The following IQCE variants were observed in gnomAD, a reference collection of about 807,000 sequenced individuals.
IQCE encodes IQ domain-containing protein E.
IQCE carries 115 observed loss-of-function variants against 96.0 expected under a neutral mutation model. The observed-to-expected ratio is 1.20, with a 90% confidence interval of 1.03 to 1.40. IQCE has a LOEUF of 1.40. Among genes scored for constraint, IQCE ranks in the 40% most tolerant of loss-of-function variants. IQCE has a pLI of 0.00. For synonymous variants in IQCE, 412 were observed against 371.2 expected (o/e 1.11, Z -1.26); for missense variants, 1,041 against 909.1 (o/e 1.15, Z -1.87).
chr7:2,572,792 C>A (rs765310511), intron 5 of IQCE: 17 of 453,044 alleles, frequency 3.8e-5, no homozygotes, highest in South Asian at 2.7e-4. Flanking sequence ...GATCCTCTCA[C>A]CTTGGCCTCC....
chr7:2,571,777 C>T (rs949159342), intron 4 of IQCE, 123 bp downstream of exon 4: 26 of 1,120,034 alleles, frequency 2.3e-5, no homozygotes, highest in South Asian at 4.5e-5. Flanking sequence ...TTAGTTTTCT[C>T]GAAGACATCA....
chr7:2,606,137 G>A (rs1784807065), intron 20 of IQCE, 140 bp downstream of exon 20: 1 of 1,086,266 alleles, frequency 9.2e-7, no homozygotes, highest in African/African-American at 1.6e-5. Context: ...CCTCGGTTTG[G>A]AGCCAGAGTA....
chr7:2,601,042 G>A (rs1206739221), intron 17 of IQCE, among the ~76,000 whole-genome samples: 1 of 152,126 alleles, frequency 6.6e-6, no homozygotes, highest in Non-Finnish European at 1.5e-5. Context: ...CGAGTTCTGG[G>A]GCTTATCCAG....
Position 2,571,661 on chromosome 7 carries a change from G to C in IQCE, c.259+7G>C, listed in dbSNP as rs948215959. On this transcript the variant is annotated splice_region_variant and intron_variant, in intron 4 of 21. Transcript: ENST00000402050. ...CTGGGAACCGCAAAGCCAGGTATGTGGTTGTCGCACTGGAGACCCTTCCTG... is the reference window on the plus strand; with the variant it reads ...CTGGGAACCGCAAAGCCAGGTATGTCGTTGTCGCACTGGAGACCCTTCCTG... 19 of 1,598,196 alleles carry C rather than the reference G, an allele frequency of 1.2e-5. No homozygotes were observed. In the African/African-American group the frequency reaches 2.3e-4, roughly 19 times the overall value.
At chr7:2,564,053 C>CA (rs958892437) in intron 1 of IQCE, among the ~76,000 whole-genome samples, 6 of 146,210 alleles carry the variant, frequency 4.1e-5, no homozygotes, top group African/African-American at 7.6e-5. Flanking sequence ...ACTAAAAATA[C>CA]AAAAAAAAAT....
chr7:2,581,864 C>T (rs11770735), intron 8 of IQCE, among the ~76,000 whole-genome samples: 86,763 of 151,658 alleles, frequency 0.57, 24,948 homozygotes, highest in South Asian at 0.61. Context: ...CGCCCGCCAC[C>T]GCGCCTGGCT....
intron 18 of IQCE, among the ~76,000 whole-genome samples, chr7:2,604,160 G>T (rs1162042569): frequency 6.6e-6 from 1 of 151,882 alleles, no homozygotes; most frequent in Non-Finnish European, 1.5e-5. Flanking sequence ...GCTAATTTTT[G>T]TATTTTTAGT....
chr7:2,610,331 C>G lies in IQCE; in HGVS notation c.*169C>G. 1 of 587,362 alleles carries G rather than the reference C, an allele frequency of 1.7e-6. No individual in the cohort carries two copies. The highest frequency in any genetic ancestry group is 2.0e-5 in the South Asian group (1 of 50,042). 36.4% of individuals were successfully genotyped at this position (587,362 alleles called of 1,614,324 possible). A position where few individuals can be genotyped will look rare whatever the true frequency, so the allele number is the denominator to read the frequency against. ...TTGTTTGTGGAAGGAGACCCAAATG[C>G]CTTTACTTTATTCTCTGGGGAGGGC... On this transcript the variant is annotated 3_prime_UTR_variant, in exon 22 of 22. Transcript: ENST00000402050.
intron 20 of IQCE, among the ~76,000 whole-genome samples, chr7:2,606,408 G>A (rs1784829683): frequency 6.6e-6 from 1 of 152,090 alleles, no homozygotes; most frequent in Admixed American, 6.6e-5. Context: ...ACGCGTGCAG[G>A]GTCTAGATGG....
rs560559773 is a variant in IQCE, at chr7:2,592,797, C to T, written c.1245-225C>T. On this transcript the variant is annotated intron_variant, in intron 14 of 21. Coordinates refer to ENST00000402050, the MANE Select transcript of IQCE (RefSeq NM_152558.5). ...TGGCAGGGCCTTCTCTGGCTTAGTC[C>T]GGTTGATCCCCTGCACACAGCAGGT... is the stretch of plus-strand genomic sequence containing the variant. 3.6e-4 allele frequency among the ~76,000 whole-genome samples: 55 copies of T among 152,316 alleles called. 2 individuals carry two copies. In the South Asian group the frequency reaches 9.1e-3, roughly 25 times the overall value.
chr7:2,583,623 A>G lies in IQCE; in HGVS notation c.702-14A>G, dbSNP rs759154341. On this transcript the variant is annotated splice_polypyrimidine_tract_variant and intron_variant, in intron 9 of 21. Coordinates refer to ENST00000402050, the MANE Select transcript of IQCE (RefSeq NM_152558.5). ...GCTGGCACATCCCTATTAACGCTGA[A>G]CTTGGGTTTTCAGCAAACTCCAGAC... is the stretch of plus-strand genomic sequence containing the variant. 3 of 1,590,062 alleles carry G rather than the reference A, an allele frequency of 1.9e-6. No homozygotes were observed. The highest frequency in any genetic ancestry group is 1.7e-6 in the Non-Finnish European group (2 of 1,164,558).
chr7:2,578,423 C>G (rs1248044238), intron 7 of IQCE, 53 bp from the exon 8 acceptor site: 15 of 1,595,860 alleles, frequency 9.4e-6, no homozygotes, highest in Non-Finnish European at 1.2e-5. Flanking sequence ...CCAGCCAGCC[C>G]TGCTGGGGGC....
chr7:2,572,514 C>T (rs1408198987), intron 5 of IQCE, among the ~76,000 whole-genome samples, 188 bp downstream of exon 5: 1 of 152,180 alleles, frequency 6.6e-6, no homozygotes, highest in East Asian at 1.9e-4. Flanking sequence ...CCGCCTGCCC[C>T]AGAAGGTAGC....
chr7:2,583,505 C>T, intron 9 of IQCE, 132 bp from the exon 10 acceptor site: 2 of 436,758 alleles, frequency 4.6e-6, no homozygotes, highest in South Asian at 2.8e-5. Flanking sequence ...AAGGCCCGTT[C>T]AGGCTTTTCC....
Position 2,606,004 on chromosome 7 carries a change from C to T in IQCE, c.1865+7C>T. On this transcript the variant is annotated splice_region_variant and intron_variant, in intron 20 of 21. Coordinates refer to ENST00000402050, the MANE Select transcript of IQCE (RefSeq NM_152558.5). Reference sequence around the variant, plus strand: ...TGGCCCGGGCCAGGCACAGGTGAGTCAGGGTCACGGGGACGTGGGACACAG... The same window carrying T: ...TGGCCCGGGCCAGGCACAGGTGAGTTAGGGTCACGGGGACGTGGGACACAG... 1 of 1,605,480 alleles carries T rather than the reference C, an allele frequency of 6.2e-7. No homozygotes were observed. Among genetic ancestry groups the T allele is most frequent in the Non-Finnish European group, 8.5e-7 (1 of 1,176,946 alleles).
chr7:2,581,209 G>T (rs939307828), intron 8 of IQCE, among the ~76,000 whole-genome samples: 5 of 151,992 alleles, frequency 3.3e-5, no homozygotes, highest in Admixed American at 1.3e-4. Context: ...ATTTGTTTAT[G>T]TATTTATTTA....
At chr7:2,578,435 A>G in intron 7 of IQCE, 41 bp from the exon 8 acceptor site, 2 of 1,467,760 alleles carry the variant, frequency 1.4e-6, no homozygotes, top group Non-Finnish European at 1.9e-6. Context: ...GCTGGGGGCT[A>G]CACCGAAGGC....
intron 13 of IQCE, among the ~76,000 whole-genome samples, chr7:2,588,460 T>G (rs1669207111): frequency 1.3e-5 from 2 of 151,176 alleles, no homozygotes; most frequent in South Asian, 4.2e-4. Context: ...TTCAAGTGAT[T>G]CTCCTCCCTC....
At chr7:2,603,249 G>A (rs964191702) in intron 18 of IQCE, among the ~76,000 whole-genome samples, 3 of 152,128 alleles carry the variant, frequency 2.0e-5, no homozygotes, top group African/African-American at 4.8e-5. Context: ...AGCCCGCTGC[G>A]GTTCCTAGCA....
Sources: allele counts gnomAD v4.1 joint callset (sites outside exome capture counted in the v4.1 genomes callset), GRCh38; gene constraint gnomAD v4.1.1; transcripts MANE v1.5; gene names NCBI Gene and HGNC (gene_info 2026-07-23, HGNC 2026-07-21).